Variants in PDZD2 observed in about 807,000 individuals in gnomAD.
PDZD2 encodes PDZ domain containing 2, also known as PDZ domain-containing protein 2.
In PDZD2, 90 loss-of-function variants were observed where a neutral mutation model predicts 220.7. That is an observed-to-expected ratio of 0.41 (90% CI 0.34 to 0.49). The LOEUF (loss-of-function observed/expected upper bound fraction) is 0.49, where lower values mean the gene tolerates loss of function less well. PDZD2 is among the 20% of genes least tolerant of loss of function. The pLI is 0.28. For synonymous variants in PDZD2, 1,375 were observed against 1,450.5 expected, an observed-to-expected ratio of 0.95 and a Z score of 1.18; for missense variants, 3,174 against 3,608.5, an observed-to-expected ratio of 0.88 and a Z score of 3.08.
intron 2 of PDZD2, among the ~76,000 whole-genome samples, chr5:31,971,648 A>G (rs1749307743): frequency 6.6e-6 from 1 of 152,066 alleles, no homozygotes; most frequent in Non-Finnish European, 1.5e-5. Flanking sequence ...CTTTTCCCTC[A>G]CTGGAATTCC....
intron 2 of PDZD2, chr5:31,847,919 T>C: frequency 2.1e-6 from 1 of 465,320 alleles, no homozygotes; most frequent in Non-Finnish European, 4.2e-6. Flanking sequence ...TGAAGATGCT[T>C]ACCAGAAACC....
In PDZD2 at chr5:32,109,158, G is replaced by A. The variant is rs191374626; in HGVS notation, c.*1023G>A. On this transcript the variant is annotated 3_prime_UTR_variant, in exon 25 of 25. Transcript: ENST00000438447. ...GTCCTTGGATTTATAGACAATGTATGTACAATCCAAATAGAGGAGCTTAAT... is the reference window on the plus strand; with the variant it reads ...GTCCTTGGATTTATAGACAATGTATATACAATCCAAATAGAGGAGCTTAAT... 1 of 152,414 alleles carries A rather than the reference G, an allele frequency of 6.6e-6. No individual in the cohort carries two copies. Among genetic ancestry groups the A allele is most frequent in the African/African-American group, 2.4e-5 (1 of 41,564 alleles). 9.4% of individuals were successfully genotyped at this position (152,414 alleles called of 1,614,324 possible).
At chr5:31,896,768 C>A (rs1238672012) in intron 2 of PDZD2, among the ~76,000 whole-genome samples, 1 of 152,214 alleles carries the variant, frequency 6.6e-6, no homozygotes, top group East Asian at 1.9e-4. Context: ...GAGACCAGCT[C>A]TGGCAACATA....
intron 2 of PDZD2, chr5:31,822,678 A>G: frequency 7.6e-7 from 1 of 1,317,714 alleles, no homozygotes; most frequent in South Asian, 1.2e-5. Context: ...AATTTGAAAC[A>G]AGCTCAATGT....
chr5:31,997,175 T>G (rs1281364137), intron 4 of PDZD2, among the ~76,000 whole-genome samples: 1 of 152,202 alleles, frequency 6.6e-6, no homozygotes. Flanking sequence ...ATCTTTTATC[T>G]AGTCCGGAAC....
chr5:31,772,151 G>A (rs192601050), intron 1 of PDZD2, among the ~76,000 whole-genome samples: 2 of 152,240 alleles, frequency 1.3e-5, no homozygotes, highest in East Asian at 3.9e-4. Flanking sequence ...CGTAGTTTGA[G>A]TAAACAACCT....
intron 2 of PDZD2, among the ~76,000 whole-genome samples, chr5:31,886,844 C>T (rs966264220): frequency 6.6e-6 from 1 of 152,110 alleles, no homozygotes; most frequent in Non-Finnish European, 1.5e-5. Flanking sequence ...ACTACAGGCG[C>T]CTGCCACCAC....
At chr5:31,848,305 C>T (rs978384041) in intron 2 of PDZD2, among the ~76,000 whole-genome samples, 23 of 152,212 alleles carry the variant, frequency 1.5e-4, no homozygotes, top group African/African-American at 5.5e-4. Flanking sequence ...TAAGGCATCA[C>T]AGTCAAGAAG....
At chr5:32,007,291 G>C (rs1015622496) in intron 5 of PDZD2, among the ~76,000 whole-genome samples, 4 of 151,648 alleles carry the variant, frequency 2.6e-5, no homozygotes, top group African/African-American at 9.7e-5. Context: ...GGGATTACGG[G>C]TATGAGCCAC....
intron 2 of PDZD2, among the ~76,000 whole-genome samples, chr5:31,944,617 C>A (rs1463511274): frequency 6.6e-6 from 1 of 152,212 alleles, no homozygotes; most frequent in Non-Finnish European, 1.5e-5. Flanking sequence ...ACTTCGCCTG[C>A]TTCCAAGTGT....
intron 3 of PDZD2, among the ~76,000 whole-genome samples, chr5:31,995,012 G>A (rs1479619568): frequency 6.6e-6 from 1 of 152,154 alleles, no homozygotes; most frequent in African/African-American, 2.4e-5. Context: ...GGCAGAGCTA[G>A]GTTCCAACTA....
chr5:31,928,318 C>A (rs982824436), intron 2 of PDZD2, among the ~76,000 whole-genome samples: 1 of 152,162 alleles, frequency 6.6e-6, no homozygotes, highest in Non-Finnish European at 1.5e-5. Flanking sequence ...ATCCACCTGC[C>A]TTGGCCTCTC....
chr5:31,695,602 T>A (rs1340859414), intron 1 of PDZD2, among the ~76,000 whole-genome samples: 68 of 152,246 alleles, frequency 4.5e-4, no homozygotes, highest in Admixed American at 4.4e-3. Flanking sequence ...AGTTTTCTGA[T>A]GCTCCTGAAA....
intron 24 of PDZD2, among the ~76,000 whole-genome samples, chr5:32,103,149 A>G (rs1744421045): frequency 6.6e-6 from 1 of 152,220 alleles, no homozygotes; most frequent in South Asian, 2.1e-4. Context: ...TGCAGAAATC[A>G]TGACTAAGAA....
intron 2 of PDZD2, among the ~76,000 whole-genome samples, chr5:31,843,007 G>C (rs559402059): frequency 1.3e-5 from 2 of 151,176 alleles, no homozygotes; most frequent in African/African-American, 4.9e-5. Context: ...TCAGCCTCCC[G>C]AGTAGCTGCG....
At chr5:31,961,705 C>T (rs768595857) in intron 2 of PDZD2, among the ~76,000 whole-genome samples, 13 of 152,090 alleles carry the variant, frequency 8.5e-5, no homozygotes, top group Non-Finnish European at 1.5e-4. Context: ...AGTGTGGTGG[C>T]GCAATCTCGG....
At chr5:31,768,604 T>C (rs1158503802) in intron 1 of PDZD2, among the ~76,000 whole-genome samples, 2 of 147,822 alleles carry the variant, frequency 1.4e-5, no homozygotes, top group African/African-American at 5.0e-5. Flanking sequence ...ATTGTGCCAC[T>C]GCACTCCAGC....
chr5:32,021,410 C>A (rs1260986378), intron 6 of PDZD2, among the ~76,000 whole-genome samples: 1 of 152,042 alleles, frequency 6.6e-6, no homozygotes, highest in African/African-American at 2.4e-5. Context: ...AATTCTCATG[C>A]CTCAGCCTCC....
chr5:32,064,250 T>TC (rs1491302794), intron 14 of PDZD2, among the ~76,000 whole-genome samples: 1 of 150,770 alleles, frequency 6.6e-6, no homozygotes, highest in Non-Finnish European at 1.5e-5. Context: ...TTTTTTTTTT[T>TC]CTCTTTTTTG....
Sources: gnomAD v4.1 joint callset for allele counts (sites outside exome capture counted in the v4.1 genomes callset) on GRCh38, gnomAD v4.1.1 for gene constraint, MANE v1.5 for transcripts, NCBI Gene and HGNC (gene_info 2026-07-23, HGNC 2026-07-21) for gene names.